Variants in NREP observed in about 807,000 individuals in gnomAD.
NREP encodes the protein neuronal regeneration-related protein.
A neutral mutation model predicts 8.6 loss-of-function variants in NREP; 5 were observed. The ratio of observed to expected loss-of-function variants is 0.58; its 90% CI spans 0.30 to 1.22. The LOEUF (loss-of-function observed/expected upper bound fraction) is 1.22. Among genes scored for constraint, NREP ranks in the 50% most tolerant of loss-of-function variants. The pLI, the probability that NREP is intolerant of heterozygous loss-of-function variation, is 0.07. For missense variants in NREP, 86 were observed against 82.5 expected, an observed-to-expected ratio of 1.04 and a Z score of -0.17; for synonymous variants, 27 against 28.0, an observed-to-expected ratio of 0.96 and a Z score of 0.11.
At chr5:111,844,259 T>G (rs1275094768) in intron 2 of NREP, among the ~76,000 whole-genome samples, 1 of 152,110 alleles carries the variant, frequency 6.6e-6, no homozygotes, top group Non-Finnish European at 1.5e-5. Flanking sequence ...ATATTTGACA[T>G]AAAATTCTAT....
Position 111,871,999 on chromosome 5 carries a change from C to G in NREP, c.135+103275G>C, listed in dbSNP as rs955575634. Among the ~76,000 whole-genome samples the G allele has an allele frequency of 4.0e-5, 6 of 149,892 alleles. No individual in the cohort carries two copies. In the East Asian group the frequency reaches 1.2e-3, roughly 29 times the overall value. Reference sequence around the variant, plus strand: ...ATATATACACACACATATGTATAATCTTTCTGCTATTGGTTCCATTTCATA... The same window carrying G: ...ATATATACACACACATATGTATAATGTTTCTGCTATTGGTTCCATTTCATA... On this transcript the variant is annotated intron_variant, in intron 2 of 3. Transcript: ENST00000395634.
At chr5:111,799,374 C>G (rs1751948982) in intron 2 of NREP, among the ~76,000 whole-genome samples, 1 of 152,130 alleles carries the variant, frequency 6.6e-6, no homozygotes, top group African/African-American at 2.4e-5. Flanking sequence ...GTCATTTTCA[C>G]AATATTGATT....
At chr5:111,890,899 C>G (rs1478410349) in intron 2 of NREP, among the ~76,000 whole-genome samples, 1 of 152,184 alleles carries the variant, frequency 6.6e-6, no homozygotes, top group Admixed American at 6.5e-5. Flanking sequence ...GGCCTTTTTC[C>G]CATTATCTTG....
intron 2 of NREP, among the ~76,000 whole-genome samples, chr5:111,829,075 C>G (rs1443744360): frequency 6.6e-6 from 1 of 151,272 alleles, no homozygotes; most frequent in Non-Finnish European, 1.5e-5. Context: ...GGCAAACCAT[C>G]ATGAAAGAGC....
At chr5:111,876,328 C>T (rs1007391131) in intron 2 of NREP, among the ~76,000 whole-genome samples, 7 of 152,154 alleles carry the variant, frequency 4.6e-5, no homozygotes, top group South Asian at 2.1e-4. Context: ...CCTCACTATC[C>T]GCCTAAATAA....
At position 111,871,489 on chromosome 5, in the gene NREP, C is replaced by T. The variant is rs901455645; in HGVS notation, c.135+103785G>A. Among the ~76,000 whole-genome samples the T allele has an allele frequency of 2.6e-5, 4 of 152,064 alleles. No homozygotes were observed. The East Asian group carries it at 7.7e-4, about 29-fold the overall frequency. On this transcript the variant is annotated intron_variant, in intron 2 of 3. Coordinates refer to the NREP transcript ENST00000395634. Reference sequence around the variant, plus strand: ...TACTGTAGATAGTAGACTTAGGCTACACTAAATATATTTTTTAAAATAGTT... The same window carrying T: ...TACTGTAGATAGTAGACTTAGGCTATACTAAATATATTTTTTAAAATAGTT...
intron 2 of NREP, among the ~76,000 whole-genome samples, chr5:111,863,808 G>A (rs1753604546): frequency 6.6e-6 from 1 of 152,040 alleles, no homozygotes; most frequent in Non-Finnish European, 1.5e-5. Context: ...ATTAATGCTG[G>A]CTTTTGGCTA....
intron 2 of NREP, among the ~76,000 whole-genome samples, chr5:111,774,571 C>T (rs561466306): frequency 1.2e-4 from 19 of 152,206 alleles, no homozygotes; most frequent in African/African-American, 4.1e-4. Flanking sequence ...AGTGTGTAAA[C>T]GAGTCAGTGT....
intron 2 of NREP, among the ~76,000 whole-genome samples, chr5:111,802,326 G>C: frequency 9.0e-6 from 1 of 111,510 alleles, no homozygotes; most frequent in South Asian, 3.5e-4. Context: ...CAAGGAGACT[G>C]TTTTAGGCAA....
At chr5:111,818,229 T>C (rs1752437553) in intron 2 of NREP, among the ~76,000 whole-genome samples, 1 of 152,202 alleles carries the variant, frequency 6.6e-6, no homozygotes. Context: ...TGCACATTAT[T>C]CAATCTAATA....
intron 2 of NREP, among the ~76,000 whole-genome samples, chr5:111,808,426 T>C (rs563629049): frequency 6.6e-6 from 1 of 152,256 alleles, no homozygotes; most frequent in East Asian, 1.9e-4. Context: ...AACTGCTTAG[T>C]GTAGTCTCTT....
chr5:111,953,818 C>G (rs564896685), intron 2 of NREP, among the ~76,000 whole-genome samples: 1 of 152,024 alleles, frequency 6.6e-6, no homozygotes, highest in Admixed American at 6.6e-5. Flanking sequence ...GTTGAAGGAC[C>G]AGTGTAGACA....
intron 2 of NREP, among the ~76,000 whole-genome samples, chr5:111,764,742 G>C (rs1362433484): frequency 6.6e-6 from 1 of 152,096 alleles, no homozygotes; most frequent in Admixed American, 6.6e-5. Context: ...TGTTAGGGTA[G>C]TATTTTTATT....
intron 2 of NREP, among the ~76,000 whole-genome samples, chr5:111,961,756 A>G (rs1356178105): frequency 6.6e-6 from 1 of 152,200 alleles, no homozygotes; most frequent in Non-Finnish European, 1.5e-5. Flanking sequence ...GGTTTTATGA[A>G]CTAGAGCTCC....
intron 2 of NREP, among the ~76,000 whole-genome samples, chr5:111,800,725 A>C (rs1323402841): frequency 6.6e-6 from 1 of 152,216 alleles, no homozygotes. Context: ...AGAGGAAAAC[A>C]AGTTTTATTA....
chr5:111,808,283 G>C (rs975705545), intron 2 of NREP, among the ~76,000 whole-genome samples: 3 of 152,176 alleles, frequency 2.0e-5, no homozygotes, highest in Non-Finnish European at 4.4e-5. Flanking sequence ...CCACTGTCTT[G>C]GAAGTCTCTG....
chr5:111,855,775 T>C (rs1581167986), intron 2 of NREP, among the ~76,000 whole-genome samples: 1 of 151,964 alleles, frequency 6.6e-6, no homozygotes, highest in African/African-American at 2.4e-5. Flanking sequence ...CCCCTAGGGG[T>C]TGCAGGACCA....
intron 2 of NREP, among the ~76,000 whole-genome samples, chr5:111,971,927 A>G (rs1756831994): frequency 6.6e-6 from 1 of 152,224 alleles, no homozygotes; most frequent in Non-Finnish European, 1.5e-5. Context: ...CTGCACAAAA[A>G]AGGAAATAAT....
intron 2 of NREP, among the ~76,000 whole-genome samples, chr5:111,800,208 G>A (rs1344214449): frequency 2.0e-5 from 3 of 152,198 alleles, no homozygotes; most frequent in Non-Finnish European, 2.9e-5. Context: ...GATTACAGGC[G>A]CGGGCCACCA....
Sources: gnomAD v4.1 joint callset for allele counts (sites outside exome capture counted in the v4.1 genomes callset) on GRCh38, gnomAD v4.1.1 for gene constraint, MANE v1.5 for transcripts, NCBI Gene and HGNC (gene_info 2026-07-23, HGNC 2026-07-21) for gene names.